Variants in FGB observed in about 807,000 individuals in gnomAD.
The protein encoded by FGB is beta-fibrinogen.
A neutral mutation model predicts 57.9 loss-of-function variants in FGB; 25 were observed. The observed-to-expected ratio is 0.43, with a 90% CI of 0.31 to 0.60. The LOEUF (loss-of-function observed/expected upper bound fraction) is 0.60. Ranked by LOEUF, FGB falls within the 20% of genes least tolerant of loss-of-function variation. The pLI is 0.08. For missense variants in FGB, 536 were observed against 598.4 expected, an observed-to-expected ratio of 0.90 and a Z score of 1.09; for synonymous variants, 203 against 199.2, an observed-to-expected ratio of 1.02 and a Z score of -0.16.
chr4:154,564,398 A>G (rs1353722590), intron 1 of FGB, among the ~76,000 whole-genome samples: 2 of 152,130 alleles, frequency 1.3e-5, no homozygotes, highest in African/African-American at 4.8e-5. Flanking sequence ...ATTTGTAATA[A>G]GCAGATGAAT....
At chr4:154,562,997 A>C, upstream of FGB, 1 of 1,185,700 alleles carries the variant, frequency 8.4e-7, no homozygotes, top group Non-Finnish European at 1.2e-6. Flanking sequence ...TATAGGATTG[A>C]AGATCTCTCA....
At chr4:154,568,716 T>A (rs1312969113) in intron 5 of FGB, among the ~76,000 whole-genome samples, 3 of 116,054 alleles carry the variant, frequency 2.6e-5, no homozygotes, top group Non-Finnish European at 5.4e-5. Flanking sequence ...AAAAAAAAAA[T>A]CAGCTGTGTT....
intron 1 of FGB, chr4:154,565,515 A>C: frequency 2.6e-6 from 1 of 388,340 alleles, no homozygotes; most frequent in East Asian, 5.6e-5. Flanking sequence ...GTAAGTTCCA[A>C]TGTATGTTTT....
At position 154,568,423 on chromosome 4, in the gene FGB, T is replaced by C; in HGVS notation, c.761T>C (p.Met254Thr). ...AGGAAAGGAGGTGAAACATCTGAAATGTATCTCATTCAACCTGACAGTTCT... is the reference window on the plus strand; with the variant it reads ...AGGAAAGGAGGTGAAACATCTGAAACGTATCTCATTCAACCTGACAGTTCT... The part of the protein sequence containing the change: ...IIRKGGETSE[M>T]YLIQPDSSVK... Residue 254 changes from methionine to threonine, a missense_variant, in exon 5 of 8, where the codon ATG (methionine) becomes ACG (threonine). Physicochemically the swap from Met to Thr is moderately conservative, Grantham distance 81 (BLOSUM62 -1). Around this residue, in one of 3 missense-constraint regions of FGB, gnomAD observed 354 missense variants for 383.4 expected, o/e 0.92. Coordinates refer to ENST00000302068, the MANE Select transcript of FGB (RefSeq NM_005141.5). 1.9e-6 allele frequency: 3 copies of C among 1,608,720 alleles called. No individual in the cohort carries two copies. The highest frequency in any genetic ancestry group is 2.6e-6 in the Non-Finnish European group (3 of 1,175,060).
intron 1 of FGB, among the ~76,000 whole-genome samples, chr4:154,564,272 A>G (rs1370951911): frequency 2.6e-5 from 4 of 152,008 alleles, no homozygotes; most frequent in Non-Finnish European, 5.9e-5. Context: ...TTAAGTATAT[A>G]CTTTCTTTAA....
intron 7 of FGB, among the ~76,000 whole-genome samples, chr4:154,570,053 G>T (rs895249542): frequency 6.6e-6 from 1 of 152,168 alleles, no homozygotes; most frequent in Non-Finnish European, 1.5e-5. Flanking sequence ...ACTAGAATTT[G>T]AGCACAGTTA....
Position 154,570,685 on chromosome 4 carries a change from G to A in FGB, c.*35G>A. On this transcript the variant is annotated 3_prime_UTR_variant, in exon 8 of 8. Coordinates refer to ENST00000302068, the MANE Select transcript of FGB (RefSeq NM_005141.5). ...CGTAGATTTTTGCTCTTCTGTATGT[G>A]ACAACATTTTTGTACATTATGTTAT... 1 of 1,509,750 alleles carries A rather than the reference G, an allele frequency of 6.6e-7. No homozygotes were observed. Among genetic ancestry groups the A allele is most frequent in the South Asian group, 1.1e-5 (1 of 88,568 alleles). 93.5% of individuals were successfully genotyped at this position (1,509,750 alleles called of 1,614,324 possible).
In FGB at chr4:154,567,669, C is replaced by T. The variant is rs6056; in HGVS notation, c.567C>T (p.Ser189=). The change falls in exon 4 of 8, where the codon AGC becomes AGT. Residue 189 remains serine, a synonymous_variant. Transcript: ENST00000302068. ...HQLYIDETVN[S]NIPTNLRVLR... Reference sequence around the variant, plus strand: ...TATATATAGATGAGACTGTGAATAGCAATATCCCAACTAACCTTCGTGTGC... The same window carrying T: ...TATATATAGATGAGACTGTGAATAGTAATATCCCAACTAACCTTCGTGTGC... The T allele has an allele frequency of 0.17, 275,072 of 1,611,650 alleles. 24,554 individuals carry two copies. Among genetic ancestry groups the T allele is most frequent in the Middle Eastern group, 0.22 (1,303 of 6,054 alleles).
intron 5 of FGB, 22 bp downstream of exon 5, chr4:154,568,516 A>G (rs1183765720): frequency 8.1e-7 from 1 of 1,228,384 alleles, no homozygotes; most frequent in South Asian, 1.2e-5. Context: ...ACAGTTGTTG[A>G]CCTGTTGATC....
rs540925129 is a variant in FGB at position 154,566,114 on chromosome 4, G to C, written c.306+115G>C. 48 of 914,124 alleles carry C rather than the reference G, an allele frequency of 5.3e-5. No individual in the cohort carries two copies. The South Asian group carries it at 7.6e-4, about 14-fold the overall frequency. The allele number at this position is 914,124 out of a possible 1,614,324, so 56.6% of individuals were successfully genotyped here. A position where few individuals can be genotyped will look rare whatever the true frequency, so the allele number is the denominator to read the frequency against. The stretch of plus-strand genomic sequence containing the variant: ...CATTACCATCACTGTTATTTTGTTT[G>C]TTTATTTTGGAAATAAAATTCAAAA... On this transcript the variant is annotated intron_variant, in intron 2 of 7. Transcript: ENST00000302068.
rs1730420924 is a variant in FGB at position 154,571,421 on chromosome 4, A to T, written c.*771A>T. Among the ~76,000 whole-genome samples, 1 of 151,018 alleles carries T rather than the reference A, an allele frequency of 6.6e-6. No homozygotes were observed. The highest frequency in any genetic ancestry group is 2.1e-4 in the South Asian group (1 of 4,780). On this transcript the variant is annotated 3_prime_UTR_variant, in exon 8 of 8. Transcript: ENST00000302068. ...GAGGTGGAGATTGCATTGAGCCAAG[A>T]TCTCAACACTGCACTCCAGCCTGGG... is the stretch of plus-strand genomic sequence containing the variant.
At chr4:154,563,217 G>A in intron 1 of FGB, 85 bp downstream of exon 1, 1 of 652,912 alleles carries the variant, frequency 1.5e-6, no homozygotes, top group Non-Finnish European at 2.7e-6. Flanking sequence ...TTATTTTAAT[G>A]AAATTAGCAT....
In FGB at chr4:154,571,967, C is replaced by T. The variant is rs1033516921; in HGVS notation, c.*1317C>T. Among the ~76,000 whole-genome samples, 8 of 152,134 alleles carry T rather than the reference C, an allele frequency of 5.3e-5. No homozygotes were observed. Among genetic ancestry groups the T allele is most frequent in the Admixed American group, 4.6e-4 (7 of 15,274 alleles). On this transcript the variant is annotated 3_prime_UTR_variant, in exon 8 of 8. Transcript: ENST00000302068. ...CACCAAATCCAACTTTAACTTTTGA[C>T]CTGGTTTCTCTGCCACAAGTTCTGT...
In FGB at chr4:154,570,454, A is replaced by T; in HGVS notation, c.1280A>T (p.Glu427Val). 1 of 1,614,148 alleles carries T rather than the reference A, an allele frequency of 6.2e-7. No homozygotes were observed. The highest frequency in any genetic ancestry group is 8.5e-7 in the Non-Finnish European group (1 of 1,179,990). Residue 427 changes from glutamate to valine, a missense_variant, in exon 8 of 8, where the codon GAA becomes GTA. Coordinates refer to ENST00000302068, the MANE Select transcript of FGB (RefSeq NM_005141.5). ...TSDPRKQCSK[E>V]DGGGWWYNRC... ...GATCCCAGAAAACAGTGTTCTAAAG[A>T]AGACGGTGGTGGATGGTGGTATAAT...
In FGB at chr4:154,572,520, C is replaced by A. The variant is rs2110790009; in HGVS notation, c.*1870C>A. ...AACCCAAAATAAAAGGCCTTGGTTC[C>A]TTGCACATCCTGAGTTCCAACGGAC... is the stretch of plus-strand genomic sequence containing the variant. On this transcript the variant is annotated 3_prime_UTR_variant, in exon 8 of 8. Coordinates refer to ENST00000302068, the MANE Select transcript of FGB (RefSeq NM_005141.5). 6.6e-6 allele frequency among the ~76,000 whole-genome samples: 1 copy of A among 152,306 alleles called. No homozygotes were observed. Among genetic ancestry groups the A allele is most frequent in the Non-Finnish European group, 1.5e-5 (1 of 68,016 alleles).
chr4:154,564,779 G>A (rs1730087223), intron 1 of FGB, among the ~76,000 whole-genome samples: 1 of 151,698 alleles, frequency 6.6e-6, no homozygotes, highest in Non-Finnish European at 1.5e-5. Flanking sequence ...AAATGAGAAT[G>A]TAGTTAATCC....
chr4:154,569,758 C>A lies in FGB; in HGVS notation c.1203C>A (p.Asn401Lys), dbSNP rs771728339. Reference sequence around the variant, plus strand: ...AAAACAGGACCATGACCATTCACAACGGCATGTTCTTCAGCACGTATGACA... The same window carrying A: ...AAAACAGGACCATGACCATTCACAAAGGCATGTTCTTCAGCACGTATGACA... The part of the protein sequence containing the change: ...MGENRTMTIH[N>K]GMFFSTYDRD... The change falls in exon 7 of 8, where the codon AAC (asparagine) becomes AAA (lysine). Residue 401 changes from asparagine to lysine, a missense_variant. Transcript: ENST00000302068. 21 of 1,614,150 alleles carry A rather than the reference C, an allele frequency of 1.3e-5. No homozygotes were observed. The highest frequency in any genetic ancestry group is 1.8e-5 in the Non-Finnish European group (21 of 1,180,026).
At position 154,570,559 on chromosome 4, in the gene FGB, A is replaced by G; in HGVS notation, c.1385A>G (p.Asp462Gly). Reference protein sequence around the residue: ...YTWDMAKHGTDDGVVWMNWKG... With the variant: ...YTWDMAKHGTGDGVVWMNWKG... Reference sequence around the variant, plus strand: ...TGGGACATGGCAAAGCATGGCACAGATGATGGTGTAGTATGGATGAATTGG... The same window carrying G: ...TGGGACATGGCAAAGCATGGCACAGGTGATGGTGTAGTATGGATGAATTGG... Residue 462 changes from aspartate (D) to glycine (G), a missense_variant, in exon 8 of 8, where the codon GAT (aspartate) becomes GGT (glycine). Around this residue, in one of 3 missense-constraint regions of FGB, gnomAD observed 177 missense variants for 193.7 expected, o/e 0.91. Coordinates refer to ENST00000302068, the MANE Select transcript of FGB (RefSeq NM_005141.5). 1 of 1,614,162 alleles carries G rather than the reference A, an allele frequency of 6.2e-7. No individual in the cohort carries two copies. Among genetic ancestry groups the G allele is most frequent in the Non-Finnish European group, 8.5e-7 (1 of 1,180,024 alleles).
chr4:154,569,084 A>T, intron 5 of FGB, 98 bp from the exon 6 acceptor site: 3 of 1,312,992 alleles, frequency 2.3e-6, no homozygotes, highest in Non-Finnish European at 3.3e-6. Flanking sequence ...CACCAAATAT[A>T]TACTAAATGG....
Sources: gnomAD v4.1 joint callset for allele counts (sites outside exome capture counted in the v4.1 genomes callset) on GRCh38, gnomAD v4.1.1 for gene constraint, gnomAD v4.1.1 regional missense constraint, MANE v1.5 for transcripts, NCBI Gene and HGNC (gene_info 2026-07-23, HGNC 2026-07-21) for gene names.